RNPEPL1: variants seen among roughly 807,000 people sequenced by gnomAD.
RNPEPL1 encodes the protein arginyl aminopeptidase like 1.
In RNPEPL1, 46 loss-of-function variants were observed where a neutral mutation model predicts 69.0. That is an observed-to-expected ratio of 0.67 (90% confidence interval 0.53 to 0.85). The LOEUF (loss-of-function observed/expected upper bound fraction) is 0.85, where lower values mean the gene tolerates loss of function less well. Ranked by LOEUF, RNPEPL1 falls within the 40% of genes least tolerant of loss-of-function variation. The pLI is 0.00. For missense variants in RNPEPL1, 869 were observed against 992.5 expected (o/e 0.88, Z 1.67); for synonymous variants, 525 against 454.1 (o/e 1.16, Z -1.98).
intron 1 of RNPEPL1, among the ~76,000 whole-genome samples, chr2:240,570,252 T>C (rs2093017391): frequency 6.6e-6 from 1 of 152,228 alleles, no homozygotes; most frequent in African/African-American, 2.4e-5. Flanking sequence ...AGCAGGCTGC[T>C]GTGAACGGGG....
intron 3 of RNPEPL1, 34 bp downstream of exon 3, chr2:240,573,295 G>C (rs2975773): frequency 0.086 from 131,549 of 1,537,340 alleles, 5,983 homozygotes; most frequent in African/African-American, 0.1. Flanking sequence ...CTGGGGCTGC[G>C]CAGGCCTCGG....
chr2:240,580,022 G>A lies in RNPEPL1; in HGVS notation c.*2130G>A, dbSNP rs2093048584. ...AGCAGTGCCCAGCGTCATGACCCTG[G>A]GGGCAGGAGGGCATCTGGATCCAGG... On this transcript the variant is annotated 3_prime_UTR_variant, in exon 11 of 11. Coordinates refer to ENST00000270357, the MANE Select transcript of RNPEPL1 (RefSeq NM_018226.6). The A allele has an allele frequency of 6.6e-6, 1 of 152,218 alleles. No individual in the cohort carries two copies. The highest frequency in any genetic ancestry group is 2.4e-5 in the African/African-American group (1 of 41,430). The allele number at this position is 152,218 out of a possible 1,614,324, so 9.4% of individuals were successfully genotyped here.
chr2:240,575,379 A>G lies in RNPEPL1; in HGVS notation c.1402-123A>G. 7 of 889,756 alleles carry G rather than the reference A, an allele frequency of 7.9e-6. No individual in the cohort carries two copies. In the South Asian group the frequency reaches 9.0e-5, roughly 11 times the overall value. The allele number at this position is 889,756 out of a possible 1,614,324, so 55.1% of individuals were successfully genotyped here. The stretch of plus-strand genomic sequence containing the variant: ...GCCAAGTGCTGGCTCCGCAGTGCCC[A>G]CTAGCTGCCCCTGTGCCCAGCACGT... On this transcript the variant is annotated intron_variant, in intron 7 of 10. Coordinates refer to ENST00000270357, the MANE Select transcript of RNPEPL1 (RefSeq NM_018226.6).
In RNPEPL1 at chr2:240,577,768, CAG is replaced by C; in HGVS notation, c.2057_2058del (p.Glu686AlafsTer9). 2 of 1,612,142 alleles carry C rather than the reference CAG, an allele frequency of 1.2e-6. No homozygotes were observed. Among genetic ancestry groups the C allele is most frequent in the Non-Finnish European group, 1.7e-6 (2 of 1,179,468 alleles). ...CTGGGCTCCAGCACAGAGCCCGCCT[CAG>C]AGCCCAGCACGGAGCTGGGCAAGGC... On this transcript the variant is annotated frameshift_variant, in exon 11 of 11. Coordinates refer to ENST00000270357, the MANE Select transcript of RNPEPL1 (RefSeq NM_018226.6). LOFTEE classifies it high-confidence loss of function.
At position 240,576,835 on chromosome 2, in the gene RNPEPL1, C is replaced by T; in HGVS notation, c.1742-13C>T. 10 of 1,612,968 alleles carry T rather than the reference C, an allele frequency of 6.2e-6. No homozygotes were observed. Among genetic ancestry groups the T allele is most frequent in the Non-Finnish European group, 8.5e-6 (10 of 1,179,956 alleles). On this transcript the variant is annotated splice_polypyrimidine_tract_variant and intron_variant, in intron 9 of 10. Transcript: ENST00000270357. ...AACAGCGGCCCAGCCCTGACCTGCCCCCTGCGCTGCAGAGGTGGTGATGAG... is the reference window on the plus strand; with the variant it reads ...AACAGCGGCCCAGCCCTGACCTGCCTCCTGCGCTGCAGAGGTGGTGATGAG...
Position 240,573,859 on chromosome 2 carries a change from T to C in RNPEPL1, c.906T>C (p.Ala302=). 1 of 1,564,860 alleles carries C rather than the reference T, an allele frequency of 6.4e-7. No individual in the cohort carries two copies. The highest frequency in any genetic ancestry group is 8.7e-7 in the Non-Finnish European group (1 of 1,155,178). The change falls in exon 4 of 11, where the codon GCT becomes GCC. Residue 302 remains alanine, a synonymous_variant. Transcript: ENST00000270357. ...CAGTGGAGCAGTGGCTGAGTGCAGC[T>C]GAGCGGCTGTATGGGCCCTACATGT... The part of the protein sequence containing the change: ...SGAVEQWLSA[A]ERLYGPYMWG...
intron 3 of RNPEPL1, 144 bp downstream of exon 3, chr2:240,573,405 G>T: frequency 9.2e-7 from 1 of 1,092,510 alleles, no homozygotes. Flanking sequence ...CCCCTGCCTT[G>T]GTGCCACCGC....
chr2:240,577,203 T>G (rs1013324417), intron 10 of RNPEPL1, among the ~76,000 whole-genome samples: 3 of 152,156 alleles, frequency 2.0e-5, no homozygotes, highest in Non-Finnish European at 2.9e-5. Context: ...GGAGAAACTG[T>G]GGAAGGGACC....
At position 240,573,868 on chromosome 2, in the gene RNPEPL1, G is replaced by A. The variant is rs1378642642; in HGVS notation, c.915G>A (p.Leu305=). Reference sequence around the variant, plus strand: ...AGTGGCTGAGTGCAGCTGAGCGGCTGTATGGGCCCTACATGTGGGGCAGGT... The same window carrying A: ...AGTGGCTGAGTGCAGCTGAGCGGCTATATGGGCCCTACATGTGGGGCAGGT... ...VEQWLSAAER[L]YGPYMWGRYD... Residue 305 remains leucine (L), a synonymous_variant, in exon 4 of 11, where the codon CTG becomes CTA. Transcript: ENST00000270357. 6 of 1,570,064 alleles carry A rather than the reference G, an allele frequency of 3.8e-6. No homozygotes were observed. Among genetic ancestry groups the A allele is most frequent in the Admixed American group, 1.9e-5 (1 of 53,758 alleles).
rs1346296560 is a variant in RNPEPL1 at position 240,578,989 on chromosome 2, C to T, written c.*1097C>T. The T allele has an allele frequency of 6.6e-6, 1 of 152,258 alleles. No homozygotes were observed. The allele number at this position is 152,258 out of a possible 1,614,324, so 9.4% of individuals were successfully genotyped here. A position where few individuals can be genotyped will look rare whatever the true frequency, so the allele number is the denominator to read the frequency against. ...CTGGGCCTTCACCTGTGGCTTAAGC[C>T]AAATCCCGGCCTCAGTGGTGATCCT... On this transcript the variant is annotated 3_prime_UTR_variant, in exon 11 of 11. Coordinates refer to ENST00000270357, the MANE Select transcript of RNPEPL1 (RefSeq NM_018226.6).
At chr2:240,570,557 C>T (rs2093018417) in intron 1 of RNPEPL1, among the ~76,000 whole-genome samples, 1 of 152,208 alleles carries the variant, frequency 6.6e-6, no homozygotes, top group South Asian at 2.1e-4. Flanking sequence ...GGCCCAAATC[C>T]CTAAGCCTGT....
In RNPEPL1 at chr2:240,572,661, C is replaced by T. The variant is rs929011945; in HGVS notation, c.669+98C>T. 5.6e-6 allele frequency: 8 copies of T among 1,423,644 alleles called. No homozygotes were observed. The African/African-American group carries it at 7.0e-5, about 13-fold the overall frequency. The allele number at this position is 1,423,644 out of a possible 1,614,324, so 88.2% of individuals were successfully genotyped here. On this transcript the variant is annotated intron_variant, in intron 2 of 10. Coordinates refer to ENST00000270357, the MANE Select transcript of RNPEPL1 (RefSeq NM_018226.6). ...GCTCCTACCTGCCTGGGCTGTGGCC[C>T]CAGCTGCCAGCAGGCCACAGTGCTA...
intron 1 of RNPEPL1, 90 bp from the exon 2 acceptor site, chr2:240,572,333 C>T: frequency 1.4e-6 from 2 of 1,431,906 alleles, no homozygotes; most frequent in Non-Finnish European, 1.9e-6. Context: ...CCTCCCAGAG[C>T]CTCCTGCCTT....
At chr2:240,574,931 T>C in intron 6 of RNPEPL1, 99 bp from the exon 7 acceptor site, 1 of 903,856 alleles carries the variant, frequency 1.1e-6, no homozygotes, top group South Asian at 1.4e-5. Flanking sequence ...CAGTGGCGCT[T>C]GGCCCTTGCT....
rs1165503987 is a variant in RNPEPL1 at position 240,580,584 on chromosome 2, A to ATT, written c.*2693_*2694insTT. ...CCGTACCGATGAACAGAGATCTCAA[A>ATT]TGTTTCCAGGCACCTTGCCAGGGAT... On this transcript the variant is annotated 3_prime_UTR_variant, in exon 11 of 11. Transcript: ENST00000270357. The ATT allele has an allele frequency of 3.9e-5, 6 of 152,190 alleles. No individual in the cohort carries two copies. The highest frequency in any genetic ancestry group is 3.9e-4 in the Admixed American group (6 of 15,274). The allele number at this position is 152,190 out of a possible 1,614,324, so 9.4% of individuals were successfully genotyped here. A position where few individuals can be genotyped will look rare whatever the true frequency, so the allele number is the denominator to read the frequency against.
chr2:240,568,645 CGCCGCCCGA>C lies in RNPEPL1; in HGVS notation c.66_74del (p.Glu23_Pro25del). ...GGCGCCGAGGCCGCGCCCGTCCGCC[CGCCGCCCGA>C]GCCGCCGCCCGCCCTGGACGTGGCC... On this transcript the variant is annotated inframe_deletion, in exon 1 of 11. Coordinates refer to ENST00000270357, the MANE Select transcript of RNPEPL1 (RefSeq NM_018226.6). The surrounding 1 kb of genome is among the most constrained non-coding windows in gnomAD (Gnocchi z 6.2). The C allele has an allele frequency of 2.0e-6, 2 of 1,006,690 alleles. No individual in the cohort carries two copies. The highest frequency in any genetic ancestry group is 2.4e-6 in the Non-Finnish European group (2 of 847,542). 62.4% of individuals were successfully genotyped at this position (1,006,690 alleles called of 1,614,324 possible). A position where few individuals can be genotyped will look rare whatever the true frequency, so the allele number is the denominator to read the frequency against.
chr2:240,572,697 A>C (rs1575436310), intron 2 of RNPEPL1, 134 bp downstream of exon 2: 1 of 1,163,256 alleles, frequency 8.6e-7, no homozygotes, highest in South Asian at 1.5e-5. Flanking sequence ...GCAGGAGCCC[A>C]CCCTCCCTAC....
intron 5 of RNPEPL1, 35 bp downstream of exon 5, chr2:240,574,383 G>T: frequency 6.3e-7 from 1 of 1,579,890 alleles, no homozygotes; most frequent in Non-Finnish European, 8.6e-7. Context: ...GCCACGGGGG[G>T]CCCTGGGCAC....
rs2093047455 is a variant in RNPEPL1 at position 240,579,499 on chromosome 2, A to G, written c.*1607A>G. On this transcript the variant is annotated 3_prime_UTR_variant, in exon 11 of 11. Coordinates refer to ENST00000270357, the MANE Select transcript of RNPEPL1 (RefSeq NM_018226.6). Reference sequence around the variant, plus strand: ...GAGGCGCCACCCCATCCAGAGACCTAGGAACTAGAAGACTGCCACTGCCCC... The same window carrying G: ...GAGGCGCCACCCCATCCAGAGACCTGGGAACTAGAAGACTGCCACTGCCCC... 6.6e-6 allele frequency: 1 copy of G among 152,260 alleles called. No individual in the cohort carries two copies. The allele number at this position is 152,260 out of a possible 1,614,324, so 9.4% of individuals were successfully genotyped here.
Sources: gnomAD v4.1 joint callset for allele counts (sites outside exome capture counted in the v4.1 genomes callset) on GRCh38, gnomAD v4.1.1 for gene constraint, Gnocchi (gnomAD v3.1) non-coding constraint, MANE v1.5 for transcripts, NCBI Gene and HGNC (gene_info 2026-07-23, HGNC 2026-07-21) for gene names.